Variants in GOLGA4 observed in about 807,000 individuals in gnomAD.
The protein encoded by GOLGA4 is golgin subfamily A member 4.
GOLGA4 carries 169 observed loss-of-function variants against 265.9 expected under a neutral mutation model. That is an observed-to-expected ratio of 0.64 (90% CI 0.56 to 0.72). The LOEUF (loss-of-function observed/expected upper bound fraction) is 0.72. Among genes scored for constraint, GOLGA4 ranks in the 30% least tolerant of loss-of-function variants. The pLI is 0.00. For synonymous variants in GOLGA4, 923 were observed against 855.8 expected (o/e 1.08, Z -1.37); for missense variants, 2,482 against 2,483.4 (o/e 1.00, Z 0.01).
At chr3:37,353,138 T>C (rs2097079819) in intron 21 of GOLGA4, among the ~76,000 whole-genome samples, 1 of 152,030 alleles carries the variant, frequency 6.6e-6, no homozygotes, top group Non-Finnish European at 1.5e-5. Context: ...TGGGCATGGT[T>C]TGTGGTGCCC....
intron 2 of GOLGA4, among the ~76,000 whole-genome samples, chr3:37,262,421 A>G (rs2096772150): frequency 6.6e-6 from 1 of 152,110 alleles, no homozygotes; most frequent in Non-Finnish European, 1.5e-5. Context: ...GAGGCAGGAG[A>G]ATTAGTTGAA....
At position 37,257,940 on chromosome 3, in the gene GOLGA4, C is replaced by CAT. The variant is rs36161155; in HGVS notation, c.162+6463_162+6464dup. Reference sequence around the variant, plus strand: ...GTATGTATATATGTATATATACATACATATATATGTATGTATATATGTATA... The same window carrying CAT: ...GTATGTATATATGTATATATACATACATATATATATGTATGTATATATGTATA... On this transcript the variant is annotated intron_variant, in intron 2 of 23. Coordinates refer to ENST00000361924, the MANE Select transcript of GOLGA4 (RefSeq NM_002078.5). Among the ~76,000 whole-genome samples the CAT allele has an allele frequency of 2.5e-3, 189 of 75,922 alleles. 20 individuals carry two copies. Among genetic ancestry groups the CAT allele is most frequent in the South Asian group, 4.0e-3 (11 of 2,724 alleles). 49.8% of individuals were successfully genotyped at this position (75,922 alleles called of 152,430 possible). A position where few individuals can be genotyped will look rare whatever the true frequency, so the allele number is the denominator to read the frequency against.
At chr3:37,305,026 C>A (rs1160471433) in intron 10 of GOLGA4, among the ~76,000 whole-genome samples, 1 of 152,110 alleles carries the variant, frequency 6.6e-6, no homozygotes. Context: ...CCAAGTGATT[C>A]TCGTGCCTCA....
intron 20 of GOLGA4, chr3:37,341,543 C>A (rs1480573297): frequency 6.6e-6 from 1 of 152,128 alleles, no homozygotes; most frequent in African/African-American, 2.4e-5. Flanking sequence ...GAAGTAAAAA[C>A]CAGCCTGGAA....
At chr3:37,329,917 C>T (rs76763632) in intron 16 of GOLGA4, among the ~76,000 whole-genome samples, 1 of 152,034 alleles carries the variant, frequency 6.6e-6, no homozygotes, top group South Asian at 2.1e-4. Flanking sequence ...AAGAATCATA[C>T]CTCAGCTGAC....
intron 10 of GOLGA4, among the ~76,000 whole-genome samples, chr3:37,311,387 G>A (rs1050087516): frequency 6.6e-6 from 1 of 152,152 alleles, no homozygotes. Flanking sequence ...ATAACATACT[G>A]CATTTTGTTG....
rs1324553389 is a variant in GOLGA4, at chr3:37,306,499, CTCTGTG to C, written c.1234+4169_1234+4174del. On this transcript the variant is annotated intron_variant, in intron 10 of 23. Coordinates refer to ENST00000361924, the MANE Select transcript of GOLGA4 (RefSeq NM_002078.5). ...AAGTTCACACTAGTTCTTGGCTGTT[CTCTGTG>C]TGTGTGTGTGTGTGTGTGTGTGTGT... 6.6e-3 allele frequency among the ~76,000 whole-genome samples: 760 copies of C among 115,796 alleles called. 1 individual carries two copies. The highest frequency in any genetic ancestry group is 9.2e-3 in the Non-Finnish European group (516 of 55,828). 76.0% of individuals were successfully genotyped at this position (115,796 alleles called of 152,430 possible).
At chr3:37,331,468 T>C (rs993947507) in intron 16 of GOLGA4, among the ~76,000 whole-genome samples, 1 of 152,226 alleles carries the variant, frequency 6.6e-6, no homozygotes. Context: ...TAAAAAGGGC[T>C]ATTAGCAATT....
intron 2 of GOLGA4, among the ~76,000 whole-genome samples, chr3:37,271,858 A>G (rs2096799604): frequency 6.6e-6 from 1 of 152,176 alleles, no homozygotes; most frequent in Non-Finnish European, 1.5e-5. Context: ...GGTCTCCATC[A>G]CCCGCATTAC....
intron 2 of GOLGA4, among the ~76,000 whole-genome samples, chr3:37,266,069 A>G (rs553859892): frequency 1.3e-5 from 2 of 151,294 alleles, no homozygotes; most frequent in African/African-American, 4.8e-5. Context: ...ATAATACGGT[A>G]TTGTTAACTG....
intron 2 of GOLGA4, among the ~76,000 whole-genome samples, chr3:37,261,575 T>C (rs2096770035): frequency 6.6e-6 from 1 of 152,188 alleles, no homozygotes; most frequent in Non-Finnish European, 1.5e-5. Flanking sequence ...ATATACACAG[T>C]AGATACATTA....
In GOLGA4 at chr3:37,326,809, G is replaced by A. The variant is rs1423143485; in HGVS notation, c.4923G>A (p.Lys1641=). 1 of 1,613,790 alleles carries A rather than the reference G, an allele frequency of 6.2e-7. No homozygotes were observed. Among genetic ancestry groups the A allele is most frequent in the South Asian group, 1.1e-5 (1 of 91,026 alleles). ...GTGCTGCAAAATTAGCAGAGTTGAA[G>A]AGAAAAGCTGAACAAAAAATTGCTG... ...SESAAKLAEL[K]RKAEQKIAAI... The change falls in exon 14 of 24, where the codon AAG becomes AAA. Residue 1641 remains lysine (K), a synonymous_variant. Transcript: ENST00000361924.
chr3:37,325,762 T>G lies in GOLGA4; in HGVS notation c.3876T>G (p.Phe1292Leu). Residue 1292 changes from phenylalanine to leucine, a missense_variant, in exon 14 of 24, where the codon TTT becomes TTG. Around this residue, in one of 3 missense-constraint regions of GOLGA4, gnomAD observed 1,536 missense variants for 1,483.7 expected, o/e 1.04. Transcript: ENST00000361924. ...AGCAAAATACACTAAATATTTCTTT[T>G]CAACAGGCTACTCATCAGTTAGAAG... ...TEEQNTLNIS[F>L]QQATHQLEEK... The G allele has an allele frequency of 6.2e-7, 1 of 1,613,640 alleles. No individual in the cohort carries two copies. The highest frequency in any genetic ancestry group is 1.7e-4 in the Middle Eastern group (1 of 6,060).
At chr3:37,286,832 C>G (rs2150794643) in intron 4 of GOLGA4, among the ~76,000 whole-genome samples, 1 of 152,266 alleles carries the variant, frequency 6.6e-6, no homozygotes, top group South Asian at 2.1e-4. Context: ...TTTCCTGTGG[C>G]TGCTGCTTGT....
At chr3:37,243,893 C>T (rs2096710577) in intron 1 of GOLGA4, 1 of 495,180 alleles carries the variant, frequency 2.0e-6, no homozygotes, top group Non-Finnish European at 3.6e-6. Context: ...TAAGAGTTTT[C>T]TCCTAAGGCC....
intron 5 of GOLGA4, among the ~76,000 whole-genome samples, chr3:37,292,412 T>C (rs1221932440): frequency 6.6e-6 from 1 of 152,174 alleles, no homozygotes; most frequent in Non-Finnish European, 1.5e-5. Flanking sequence ...CCGGGCACAG[T>C]GGCTCATGCC....
At chr3:37,310,280 C>T (rs978064876) in intron 10 of GOLGA4, among the ~76,000 whole-genome samples, 1 of 152,068 alleles carries the variant, frequency 6.6e-6, no homozygotes, top group Non-Finnish European at 1.5e-5. Flanking sequence ...TCTGGCATTT[C>T]TTATTATAAT....
chr3:37,337,084 T>C (rs199743975), intron 17 of GOLGA4, 59 bp from the exon 18 acceptor site: 289 of 1,058,980 alleles, frequency 2.7e-4, no homozygotes, highest in Middle Eastern at 2.0e-4. Flanking sequence ...TTGCTTTGTT[T>C]TACTGTTTCT....
chr3:37,308,558 C>A (rs182309778), intron 10 of GOLGA4, among the ~76,000 whole-genome samples: 4 of 151,238 alleles, frequency 2.6e-5, no homozygotes, highest in African/African-American at 9.7e-5. Flanking sequence ...TTCCAAAGAG[C>A]TTTATTTATG....
Sources: gnomAD v4.1 joint callset for allele counts (sites outside exome capture counted in the v4.1 genomes callset) on GRCh38, gnomAD v4.1.1 for gene constraint, gnomAD v4.1.1 regional missense constraint, MANE v1.5 for transcripts, NCBI Gene and HGNC (gene_info 2026-07-23, HGNC 2026-07-21) for gene names.